The following PAPPA variants were observed in gnomAD, a reference collection of about 807,000 sequenced individuals.
PAPPA encodes the protein pappalysin-1.
In PAPPA, 60 loss-of-function variants were observed where a neutral mutation model predicts 164.0. That is an observed-to-expected ratio of 0.37 (90% confidence interval 0.30 to 0.45). PAPPA has a LOEUF of 0.45. Among genes scored for constraint, PAPPA ranks in the 20% least tolerant of loss-of-function variants. The pLI, the probability that PAPPA is intolerant of heterozygous loss-of-function variation, is 1.00. For missense variants in PAPPA, 1,782 were observed against 2,087.3 expected (o/e 0.85, Z 2.85); for synonymous variants, 875 against 814.1 (o/e 1.07, Z -1.27).
intron 10 of PAPPA, among the ~76,000 whole-genome samples, chr9:116,312,943 C>T (rs1172423531): frequency 6.6e-6 from 1 of 151,828 alleles, no homozygotes; most frequent in Non-Finnish European, 1.5e-5. Flanking sequence ...ATTAGCTGGG[C>T]GTGGTGGTGG....
chr9:116,295,587 T>C (rs910499025), intron 9 of PAPPA, among the ~76,000 whole-genome samples: 2 of 147,740 alleles, frequency 1.4e-5, no homozygotes, highest in Non-Finnish European at 1.5e-5. Context: ...AAAAGAAAAA[T>C]TTCAAAGTCT....
intron 20 of PAPPA, among the ~76,000 whole-genome samples, chr9:116,378,374 T>C (rs1417797637): frequency 1.3e-5 from 2 of 152,268 alleles, no homozygotes; most frequent in African/African-American, 4.8e-5. Context: ...TGCACATCAC[T>C]CTGCCCCTTG....
In PAPPA at chr9:116,396,622, G is replaced by C; in HGVS notation, c.*6G>C. ...GGGGATACAGCCATGGCTAAGGAAG[G>C]ACAAGAAGTTGTCAAAGAATTCCCA... On this transcript the variant is annotated 3_prime_UTR_variant, in exon 22 of 22. Coordinates refer to ENST00000328252, the MANE Select transcript of PAPPA (RefSeq NM_002581.5). The C allele has an allele frequency of 1.3e-6, 1 of 779,688 alleles. No individual in the cohort carries two copies. Among genetic ancestry groups the C allele is most frequent in the South Asian group, 1.3e-5 (1 of 74,512 alleles). 48.3% of individuals were successfully genotyped at this position (779,688 alleles called of 1,614,324 possible). A position where few individuals can be genotyped will look rare whatever the true frequency, so the allele number is the denominator to read the frequency against.
At chr9:116,394,098 C>T (rs937350492) in intron 21 of PAPPA, among the ~76,000 whole-genome samples, 5 of 152,016 alleles carry the variant, frequency 3.3e-5, no homozygotes, top group African/African-American at 9.7e-5. Context: ...GTAACTGGAT[C>T]GTGCTAATGA....
chr9:116,303,470 A>C (rs948954967), intron 10 of PAPPA, among the ~76,000 whole-genome samples: 1 of 152,154 alleles, frequency 6.6e-6, no homozygotes, highest in Non-Finnish European at 1.5e-5. Flanking sequence ...TCAGTCCCCT[A>C]ATGCACTATT....
chr9:116,267,327 A>G (rs1319454256), intron 8 of PAPPA, among the ~76,000 whole-genome samples: 1 of 152,278 alleles, frequency 6.6e-6, no homozygotes, highest in Non-Finnish European at 1.5e-5. Flanking sequence ...AATGCAAGTG[A>G]AAAGAGCTGG....
In PAPPA at chr9:116,178,128, C is replaced by T. The variant is rs540255524; in HGVS notation, c.416-9026C>T. 2.7e-4 allele frequency among the ~76,000 whole-genome samples: 41 copies of T among 152,250 alleles called. No individual in the cohort carries two copies. The South Asian group carries it at 6.8e-3, about 25-fold the overall frequency. On this transcript the variant is annotated intron_variant, in intron 1 of 21. Coordinates refer to ENST00000328252, the MANE Select transcript of PAPPA (RefSeq NM_002581.5). ...TGTTTGTTCATTTATTTGTTTGAGA[C>T]GGAGTTTCGCTCTTGTTGCCCAGGC...
chr9:116,384,469 T>G (rs1048235851), intron 21 of PAPPA, among the ~76,000 whole-genome samples: 21 of 151,986 alleles, frequency 1.4e-4, no homozygotes, highest in Admixed American at 1.3e-3. Flanking sequence ...TTTAAAAAAG[T>G]TCTGATAGTA....
intron 9 of PAPPA, among the ~76,000 whole-genome samples, chr9:116,293,712 T>G (rs1161428521): frequency 6.6e-6 from 1 of 152,212 alleles, no homozygotes; most frequent in East Asian, 1.9e-4. Flanking sequence ...CCCAGCATTT[T>G]GGGAGGTCAA....
At chr9:116,273,635 G>A (rs1054777794) in intron 9 of PAPPA, among the ~76,000 whole-genome samples, 3 of 152,158 alleles carry the variant, frequency 2.0e-5, no homozygotes, top group African/African-American at 7.2e-5. Flanking sequence ...GTAGCTGGGA[G>A]TGGTGGCGGG....
chr9:116,264,855 C>T (rs1424511274), intron 7 of PAPPA, among the ~76,000 whole-genome samples: 1 of 152,010 alleles, frequency 6.6e-6, no homozygotes, highest in Admixed American at 6.6e-5. Context: ...GGGATGTGGT[C>T]GTGTGGAATT....
rs530663971 is a variant in PAPPA at position 116,315,893 on chromosome 9, A to G, written c.3147+12943A>G. On this transcript the variant is annotated intron_variant, in intron 10 of 21. Coordinates refer to ENST00000328252, the MANE Select transcript of PAPPA (RefSeq NM_002581.5). ...GATAATGATGAGTAGAGTAAAGAGA[A>G]TGGCTTGGCTGTCAGAGTGATTACA... Among the ~76,000 whole-genome samples the G allele has an allele frequency of 5.3e-5, 8 of 152,324 alleles. No individual in the cohort carries two copies. The South Asian group carries it at 1.7e-3, about 32-fold the overall frequency.
intron 14 of PAPPA, among the ~76,000 whole-genome samples, chr9:116,345,516 G>A (rs1394623541): frequency 6.6e-6 from 1 of 152,018 alleles, no homozygotes; most frequent in East Asian, 1.9e-4. Context: ...CAATGAGGCT[G>A]GAAGGGCCAG....
intron 10 of PAPPA, among the ~76,000 whole-genome samples, chr9:116,320,826 T>C (rs1343882689): frequency 6.6e-6 from 1 of 152,114 alleles, no homozygotes; most frequent in Non-Finnish European, 1.5e-5. Context: ...TTTTCTGTGT[T>C]CATTGGTCAG....
At chr9:116,232,211 A>G (rs981569573) in intron 6 of PAPPA, among the ~76,000 whole-genome samples, 1 of 152,154 alleles carries the variant, frequency 6.6e-6, no homozygotes, top group African/African-American at 2.4e-5. Context: ...CAGCCTCAGC[A>G]TTTGTTGCTC....
Position 116,187,553 on chromosome 9 carries a change from T to C in PAPPA, c.815T>C (p.Met272Thr). The change falls in exon 2 of 22, where the codon ATG becomes ACG. Residue 272 changes from methionine to threonine, a missense_variant. Coordinates refer to ENST00000328252, the MANE Select transcript of PAPPA (RefSeq NM_002581.5). This position sits in a 1 kb window ranked among gnomAD's most constrained non-coding sequence, Gnocchi z 4.2. ...ACTCAGCGGGAGATACTGTCTGACATGGAAACCCATGGCGCCCACACTGCT... is the reference window on the plus strand; with the variant it reads ...ACTCAGCGGGAGATACTGTCTGACACGGAAACCCATGGCGCCCACACTGCT... ...ARTQREILSD[M>T]ETHGAHTALP... 1 of 1,614,214 alleles carries C rather than the reference T, an allele frequency of 6.2e-7. No individual in the cohort carries two copies. Among genetic ancestry groups the C allele is most frequent in the Non-Finnish European group, 8.5e-7 (1 of 1,180,054 alleles).
chr9:116,311,599 G>C (rs575752675), intron 10 of PAPPA, among the ~76,000 whole-genome samples: 73 of 152,248 alleles, frequency 4.8e-4, no homozygotes, highest in African/African-American at 1.7e-3. Flanking sequence ...ACCTGACTTG[G>C]GTACTGTTTG....
Position 116,187,717 on chromosome 9 carries a change from T to C in PAPPA, c.979T>C (p.Cys327Arg). 6.2e-7 allele frequency: 1 copy of C among 1,614,230 alleles called. No individual in the cohort carries two copies. The highest frequency in any genetic ancestry group is 8.5e-7 in the Non-Finnish European group (1 of 1,180,030). The change falls in exon 2 of 22, where the codon TGC becomes CGC. Residue 327 changes from cysteine to arginine, a missense_variant. Cys to Arg is a radical substitution (Grantham distance 180). Around this residue, in one of 2 missense-constraint regions of PAPPA, gnomAD observed 1,324 missense variants for 1,656.9 expected, o/e 0.80. Transcript: ENST00000328252. This position sits in a 1 kb window ranked among gnomAD's most constrained non-coding sequence, Gnocchi z 4.2. The stretch of plus-strand genomic sequence containing the variant: ...GGACACGAGTCTGGAGCCTCCTCTG[T>C]GCGGACAGACATTGTGTGACAACAC... The part of the protein sequence containing the change: ...LLDTSLEPPL[C>R]GQTLCDNTEV...
intron 9 of PAPPA, among the ~76,000 whole-genome samples, chr9:116,300,183 G>A (rs913457192): frequency 5.9e-5 from 9 of 152,090 alleles, no homozygotes; most frequent in African/African-American, 2.2e-4. Flanking sequence ...TGCCATGAAT[G>A]CTACTGGTCA....
Sources: allele counts gnomAD v4.1 joint callset (sites outside exome capture counted in the v4.1 genomes callset), GRCh38; gene constraint gnomAD v4.1.1; regional missense constraint gnomAD v4.1.1; non-coding constraint Gnocchi (gnomAD v3.1); transcripts MANE v1.5; gene names NCBI Gene and HGNC (gene_info 2026-07-23, HGNC 2026-07-21).